The following TNR variants were observed in gnomAD, a reference collection of about 807,000 sequenced individuals.
The protein encoded by TNR is tenascin R.
In TNR, 45 loss-of-function variants were observed where a neutral mutation model predicts 150.4. That is an observed-to-expected ratio of 0.30 (90% CI 0.24 to 0.38). The LOEUF is 0.38. Among genes scored for constraint, TNR ranks in the 10% least tolerant of loss-of-function variants. The pLI, the probability that TNR is intolerant of heterozygous loss-of-function variation, is 1.00. For missense variants in TNR, 1,544 were observed against 1,759.1 expected (o/e 0.88, Z 2.19); for synonymous variants, 687 against 678.4 (o/e 1.01, Z -0.20).
rs1008838563 is a variant in TNR at position 175,539,755 on chromosome 1, ATC to A, written c.-164-11388_-164-11387del. On this transcript the variant is annotated intron_variant, in intron 1 of 22. Coordinates refer to ENST00000367674, the MANE Select transcript of TNR (RefSeq NM_003285.3). ...GGAAGGTCTTCGCAAAACCCTCCAA[ATC>A]TCTGTTTCTAAAACTCCTACAACTA... Among the ~76,000 whole-genome samples, 4 of 152,156 alleles carry A rather than the reference ATC, an allele frequency of 2.6e-5. 1 individual carries two copies. The highest frequency in any genetic ancestry group is 9.7e-5 in the African/African-American group (4 of 41,428).
At chr1:175,725,027 C>T (rs1036085597) in intron 1 of TNR, among the ~76,000 whole-genome samples, 3 of 152,106 alleles carry the variant, frequency 2.0e-5, no homozygotes, top group Non-Finnish European at 4.4e-5. Flanking sequence ...TATAGAGCCT[C>T]GTTAAGAACT....
At chr1:175,625,766 T>C (rs1664131999) in intron 1 of TNR, among the ~76,000 whole-genome samples, 1 of 152,246 alleles carries the variant, frequency 6.6e-6, no homozygotes. Context: ...GCAGAGGGCC[T>C]GATTTCATGG....
intron 1 of TNR, among the ~76,000 whole-genome samples, chr1:175,722,615 C>T: frequency 6.6e-6 from 1 of 151,862 alleles, no homozygotes; most frequent in Middle Eastern, 3.4e-3. Flanking sequence ...CAGGTGCACA[C>T]CACCATGCCC....
At chr1:175,420,527 T>C (rs975297817) in intron 2 of TNR, among the ~76,000 whole-genome samples, 1 of 152,252 alleles carries the variant, frequency 6.6e-6, no homozygotes, top group African/African-American at 2.4e-5. Context: ...CTTCATGCTG[T>C]AGCAGAGAAG....
At chr1:175,425,202 G>T (rs1351462945) in intron 2 of TNR, among the ~76,000 whole-genome samples, 4 of 152,092 alleles carry the variant, frequency 2.6e-5, no homozygotes, top group Non-Finnish European at 5.9e-5. Flanking sequence ...GCACTACTAG[G>T]GTCAGAGCCA....
At chr1:175,489,154 G>T (rs959287690) in intron 2 of TNR, among the ~76,000 whole-genome samples, 4 of 152,272 alleles carry the variant, frequency 2.6e-5, no homozygotes, top group Middle Eastern at 3.4e-3. Context: ...GGCAAACGAA[G>T]CCTCCCTCCA....
chr1:175,431,911 A>ATCTCTCTCTCTCTCTCTCTCCTTC (rs1553221255), intron 2 of TNR, among the ~76,000 whole-genome samples: 12,520 of 136,302 alleles, frequency 0.092, 774 homozygotes, highest in East Asian at 0.24. Flanking sequence ...GGACCATAAT[A>ATCTCTCTCTCTCTCTCTCTCCTTC]TCTCTCTCTC....
chr1:175,654,179 T>C (rs1321930468), intron 1 of TNR, among the ~76,000 whole-genome samples: 1 of 152,224 alleles, frequency 6.6e-6, no homozygotes, highest in Admixed American at 6.5e-5. Flanking sequence ...TCCTTCTTGC[T>C]TATTGCCTTT....
chr1:175,500,585 T>C (rs1204229208), intron 2 of TNR, among the ~76,000 whole-genome samples: 1 of 152,226 alleles, frequency 6.6e-6, no homozygotes, highest in Non-Finnish European at 1.5e-5. Context: ...GTGCTTTCTC[T>C]ACACGACTCA....
chr1:175,594,472 C>A (rs1055127305), intron 1 of TNR, among the ~76,000 whole-genome samples: 1 of 152,126 alleles, frequency 6.6e-6, no homozygotes, highest in Non-Finnish European at 1.5e-5. Flanking sequence ...CATTTATTTG[C>A]ATCTTTTGTT....
chr1:175,701,659 C>T lies in TNR; in HGVS notation c.-165+41567G>A, dbSNP rs990975135. Among the ~76,000 whole-genome samples the T allele has an allele frequency of 4.6e-5, 7 of 152,364 alleles. No homozygotes were observed. The South Asian group carries it at 6.2e-4, about 14-fold the overall frequency. ...CTGAGCCAGAACTCACATATAGTGACACTCAATTCACCATTCTTTCAATTG... is the reference window on the plus strand; with the variant it reads ...CTGAGCCAGAACTCACATATAGTGATACTCAATTCACCATTCTTTCAATTG... On this transcript the variant is annotated intron_variant, in intron 1 of 22. Coordinates refer to ENST00000367674, the MANE Select transcript of TNR (RefSeq NM_003285.3).
At chr1:175,325,401 C>A (rs1481909447) in intron 21 of TNR, among the ~76,000 whole-genome samples, 2 of 152,196 alleles carry the variant, frequency 1.3e-5, no homozygotes, top group Non-Finnish European at 2.9e-5. Flanking sequence ...GAAATAGAAA[C>A]ACTTTTATAC....
intron 1 of TNR, among the ~76,000 whole-genome samples, chr1:175,626,723 G>A (rs1488430441): frequency 2.0e-5 from 3 of 152,088 alleles, no homozygotes; most frequent in African/African-American, 7.2e-5. Flanking sequence ...TCAATGCTGG[G>A]CCCCAGAAGA....
rs182438838 is a variant in TNR at position 175,728,136 on chromosome 1, G to A, written c.-165+15090C>T. Among the ~76,000 whole-genome samples, 11 of 152,346 alleles carry A rather than the reference G, an allele frequency of 7.2e-5. No homozygotes were observed. The East Asian group carries it at 1.9e-3, about 27-fold the overall frequency. On this transcript the variant is annotated intron_variant, in intron 1 of 22. Coordinates refer to ENST00000367674, the MANE Select transcript of TNR (RefSeq NM_003285.3). ...AGATGAGTACAAGAAAAGAAGTCCA[G>A]AGAGGTTTCTGCAGGAGATCAGTGG...
intron 2 of TNR, among the ~76,000 whole-genome samples, chr1:175,491,851 G>A (rs914280372): frequency 2.0e-5 from 3 of 151,882 alleles, no homozygotes; most frequent in Non-Finnish European, 2.9e-5. Flanking sequence ...GGGTTTCACT[G>A]TGTTAGCCAG....
chr1:175,506,824 T>C lies in TNR; in HGVS notation c.-64+21445A>G, dbSNP rs74856917. Reference sequence around the variant, plus strand: ...GTCCCATTTTGAGTCATTCACTTATTTGGGACAGATATTCTAGGCACCCAC... The same window carrying C: ...GTCCCATTTTGAGTCATTCACTTATCTGGGACAGATATTCTAGGCACCCAC... On this transcript the variant is annotated intron_variant, in intron 2 of 22. Coordinates refer to ENST00000367674, the MANE Select transcript of TNR (RefSeq NM_003285.3). 5.2e-3 allele frequency among the ~76,000 whole-genome samples: 793 copies of C among 152,298 alleles called. 8 individuals are homozygous for C. Among genetic ancestry groups the C allele is most frequent in the African/African-American group, 0.018 (746 of 41,558 alleles).
At chr1:175,455,926 C>A (rs755890700) in intron 2 of TNR, among the ~76,000 whole-genome samples, 1 of 152,148 alleles carries the variant, frequency 6.6e-6, no homozygotes, top group Non-Finnish European at 1.5e-5. Flanking sequence ...AACTGGGGTG[C>A]TTTGAGAGTG....
At position 175,393,783 on chromosome 1, in the gene TNR, T is replaced by C; in HGVS notation, c.1353A>G (p.Pro451=). 1 of 1,612,334 alleles carries C rather than the reference T, an allele frequency of 6.2e-7. No individual in the cohort carries two copies. Among genetic ancestry groups the C allele is most frequent in the Admixed American group, 1.7e-5 (1 of 60,026 alleles). The change falls in exon 6 of 23, where the codon CCA becomes CCG. Residue 451 remains proline (P), a synonymous_variant. Coordinates refer to ENST00000367674, the MANE Select transcript of TNR (RefSeq NM_003285.3). ...SFDGWEISFI[P]KNNEGGVIAQ... is the part of the protein sequence containing the mutation. ...CAGTGTAACAGGTGAGTGTTACCTT[T>C]GGAATGAAGCTGATTTCCCACCCAT...
At chr1:175,435,749 T>C (rs975526050) in intron 2 of TNR, among the ~76,000 whole-genome samples, 1 of 152,236 alleles carries the variant, frequency 6.6e-6, no homozygotes, top group African/African-American at 2.4e-5. Flanking sequence ...CCTTTACAAA[T>C]TGGCATGTTT....
Sources: gnomAD v4.1 joint callset for allele counts (sites outside exome capture counted in the v4.1 genomes callset) on GRCh38, gnomAD v4.1.1 for gene constraint, MANE v1.5 for transcripts, NCBI Gene and HGNC (gene_info 2026-07-23, HGNC 2026-07-21) for gene names.